TRABD2A: variants seen among roughly 807,000 people sequenced by gnomAD.
TRABD2A encodes the protein TraB domain containing 2A.
A neutral mutation model predicts 45.6 loss-of-function variants in TRABD2A; 43 were observed. The ratio of observed to expected loss-of-function variants is 0.94; its 90% confidence interval spans 0.74 to 1.22. The LOEUF (loss-of-function observed/expected upper bound fraction) is 1.22. Ranked by LOEUF, TRABD2A falls within the 50% of genes most tolerant of loss-of-function variation. TRABD2A has a pLI of 0.00. For synonymous variants in TRABD2A, 269 were observed against 265.0 expected (o/e 1.02, Z -0.15); for missense variants, 642 against 652.4 (o/e 0.98, Z 0.17).
intron 2 of TRABD2A, among the ~76,000 whole-genome samples, chr2:84,866,076 C>T (rs1309399922): frequency 6.6e-6 from 1 of 152,200 alleles, no homozygotes; most frequent in African/African-American, 2.4e-5. Context: ...AACCTGTTGC[C>T]AGACTTCAGT....
intron 2 of TRABD2A, among the ~76,000 whole-genome samples, chr2:84,867,850 G>T (rs1682734375): frequency 6.6e-6 from 1 of 152,208 alleles, no homozygotes; most frequent in African/African-American, 2.4e-5. Flanking sequence ...ATCATCACTG[G>T]CCATCAGAGA....
chr2:84,861,657 C>T (rs1682503731), intron 2 of TRABD2A, among the ~76,000 whole-genome samples: 1 of 152,172 alleles, frequency 6.6e-6, no homozygotes, highest in African/African-American at 2.4e-5. Context: ...GTGTCAACAA[C>T]CATCGGCAGC....
At chr2:84,832,951 T>G (rs1393547687) in intron 4 of TRABD2A, 1 of 152,080 alleles carries the variant, frequency 6.6e-6, no homozygotes, top group Non-Finnish European at 1.5e-5. Flanking sequence ...TAATCTAAGA[T>G]CTGTCATTCT....
chr2:84,839,472 T>G, intron 3 of TRABD2A, 149 bp from the exon 4 acceptor site: 4 of 741,710 alleles, frequency 5.4e-6, no homozygotes, highest in Non-Finnish European at 8.6e-6. Context: ...GTCTGCTATG[T>G]TTCCCACTCT....
intron 5 of TRABD2A, among the ~76,000 whole-genome samples, chr2:84,827,108 C>T (rs1455012332): frequency 6.6e-6 from 1 of 152,178 alleles, no homozygotes; most frequent in African/African-American, 2.4e-5. Context: ...ATCACAGGCT[C>T]AAGATCTAGA....
At chr2:84,843,754 G>A (rs1681791400) in intron 2 of TRABD2A, 2 of 152,096 alleles carry the variant, frequency 1.3e-5, no homozygotes, top group Admixed American at 1.3e-4. Flanking sequence ...TCCCAAAAAG[G>A]TCCTTATAAA....
chr2:84,852,039 G>A (rs1682114862), intron 2 of TRABD2A, among the ~76,000 whole-genome samples: 1 of 152,196 alleles, frequency 6.6e-6, no homozygotes, highest in Admixed American at 6.5e-5. Context: ...GTCAGGATCA[G>A]GTTGGCATCA....
At chr2:84,835,028 C>T (rs1681454673) in intron 4 of TRABD2A, 1 of 152,202 alleles carries the variant, frequency 6.6e-6, no homozygotes, top group Non-Finnish European at 1.5e-5. Context: ...GTGCCAATTT[C>T]TCCATGTCTT....
intron 3 of TRABD2A, among the ~76,000 whole-genome samples, chr2:84,841,011 A>C (rs1681691827): frequency 6.6e-6 from 1 of 152,134 alleles, no homozygotes; most frequent in Non-Finnish European, 1.5e-5. Flanking sequence ...CAGATTTAAC[A>C]TAGACCTGTA....
chr2:84,879,754 G>A (rs547077823), intron 1 of TRABD2A: 30 of 260,208 alleles, frequency 1.2e-4, no homozygotes, highest in Admixed American at 3.2e-4. Context: ...CAGCTGCCGC[G>A]CCTCCTGCCT....
intron 1 of TRABD2A, among the ~76,000 whole-genome samples, chr2:84,872,881 G>A (rs887175288): frequency 1.3e-5 from 2 of 152,120 alleles, no homozygotes; most frequent in African/African-American, 4.8e-5. Flanking sequence ...TCGGGAGGCC[G>A]AGGCGGGGGG....
chr2:84,856,532 A>G (rs565856812), intron 2 of TRABD2A, among the ~76,000 whole-genome samples: 25 of 152,210 alleles, frequency 1.6e-4, no homozygotes, highest in Non-Finnish European at 3.1e-4. Flanking sequence ...AGTTCTCAAC[A>G]AAAGGACTCA....
rs995395443 is a variant in TRABD2A, at chr2:84,839,398, A to G, written c.817-75T>C. 1.9e-5 allele frequency: 27 copies of G among 1,404,220 alleles called. No homozygotes were observed. In the African/African-American group the frequency reaches 3.5e-4, roughly 18 times the overall value. The allele number at this position is 1,404,220 out of a possible 1,614,324, so 87.0% of individuals were successfully genotyped here. A position where few individuals can be genotyped will look rare whatever the true frequency, so the allele number is the denominator to read the frequency against. On this transcript the variant is annotated intron_variant, in intron 3 of 6. Coordinates refer to ENST00000409520, the MANE Select transcript of TRABD2A (RefSeq NM_001277053.2). ...CAAAGTTACTTCATTGGAGCATCAA[A>G]TCCCCCAACCTAGATGGTCAAGACG...
intron 2 of TRABD2A, among the ~76,000 whole-genome samples, chr2:84,846,335 A>C (rs138821435): frequency 7.5e-4 from 115 of 152,326 alleles, no homozygotes; most frequent in African/African-American, 2.4e-3. Flanking sequence ...ACCCAGGGGA[A>C]GCATGGCTTT....
At chr2:84,832,034 A>G (rs771995771) in intron 5 of TRABD2A, 21 bp downstream of exon 5, 1 of 1,613,844 alleles carries the variant, frequency 6.2e-7, no homozygotes, top group Non-Finnish European at 8.5e-7. Flanking sequence ...CCCAGCCAAG[A>G]TAGAAGCACA....
intron 2 of TRABD2A, among the ~76,000 whole-genome samples, chr2:84,842,536 C>G (rs1265885992): frequency 2.0e-5 from 3 of 152,084 alleles, no homozygotes; most frequent in Non-Finnish European, 2.9e-5. Flanking sequence ...TAAACACCAG[C>G]CTGGCCAACA....
intron 4 of TRABD2A, 154 bp downstream of exon 4, chr2:84,838,995 G>T: frequency 1.2e-6 from 1 of 809,978 alleles, no homozygotes. Flanking sequence ...CCCAGCTGGA[G>T]CCACTCTGCA....
intron 2 of TRABD2A, among the ~76,000 whole-genome samples, chr2:84,855,998 A>G (rs1234280811): frequency 6.6e-6 from 1 of 152,174 alleles, no homozygotes; most frequent in Non-Finnish European, 1.5e-5. Context: ...AGTGGCCCGC[A>G]CCACCCCACT....
At chr2:84,880,633 C>T (rs142638632) in intron 1 of TRABD2A, among the ~76,000 whole-genome samples, 99 of 152,356 alleles carry the variant, frequency 6.5e-4, no homozygotes, top group African/African-American at 2.3e-3. Context: ...GATCCGTCCC[C>T]CGAAAGCTCG....
Sources: allele counts gnomAD v4.1 joint callset (sites outside exome capture counted in the v4.1 genomes callset), GRCh38; gene constraint gnomAD v4.1.1; transcripts MANE v1.5; gene names NCBI Gene and HGNC (gene_info 2026-07-23, HGNC 2026-07-21).